The following C12orf42 variants were observed in gnomAD, a reference collection of about 807,000 sequenced individuals.
The protein encoded by C12orf42 is chromosome 12 open reading frame 42, also known as uncharacterized protein C12orf42.
C12orf42 carries 25 observed loss-of-function variants against 21.6 expected under a neutral mutation model. The observed-to-expected ratio is 1.16, with a 90% confidence interval of 0.84 to 1.62. The LOEUF is 1.62. Among genes scored for constraint, C12orf42 ranks in the 40% most tolerant of loss-of-function variants. The pLI, the probability that C12orf42 is intolerant of heterozygous loss-of-function variation, is 0.00. For synonymous variants in C12orf42, 174 were observed against 175.0 expected (o/e 0.99, Z 0.05); for missense variants, 483 against 459.3 (o/e 1.05, Z -0.47).
At chr12:103,089,549 AT>A in the C12orf42 span, among the ~76,000 whole-genome samples, 81,500 of 151,610 alleles carry the variant, frequency 0.54, 22,313 homozygotes, top group East Asian at 0.77. Context: ...CTAACAATAT[AT>A]TTTTCTTAGT....
intron 4 of C12orf42, among the ~76,000 whole-genome samples, chr12:103,346,183 T>G (rs1420609382): frequency 6.6e-6 from 1 of 152,216 alleles, no homozygotes; most frequent in Non-Finnish European, 1.5e-5. Flanking sequence ...CAGTTTTGAC[T>G]GTAATCACTT....
intron 2 of C12orf42, among the ~76,000 whole-genome samples, chr12:103,429,629 T>C (rs12317177): frequency 0.19 from 29,171 of 152,000 alleles, 3,365 homozygotes; most frequent in East Asian, 0.35. Context: ...CTTTAAATTT[T>C]ATATGGAACC....
Position 103,379,511 on chromosome 12 carries a change from T to C in C12orf42, c.148-10513A>G, listed in dbSNP as rs185148386. Among the ~76,000 whole-genome samples, 572 of 152,320 alleles carry C rather than the reference T, an allele frequency of 3.8e-3. 5 individuals are homozygous for C. The highest frequency in any genetic ancestry group is 0.013 in the African/African-American group (540 of 41,574). On this transcript the variant is annotated intron_variant, in intron 3 of 5. Transcript: ENST00000548883. ...AGATCAACATCTCCTTGACAGCTAT[T>C]GATAGATATATTACTAGACCTAAAG... is the stretch of plus-strand genomic sequence containing the variant.
the C12orf42 span, among the ~76,000 whole-genome samples, chr12:103,065,797 C>T: frequency 6.6e-6 from 1 of 152,286 alleles, no homozygotes; most frequent in South Asian, 2.1e-4. Flanking sequence ...AGGCACAATG[C>T]CTAGTGGGCC....
chr12:103,528,290 G>A, the C12orf42 span, among the ~76,000 whole-genome samples: 1 of 152,200 alleles, frequency 6.6e-6, no homozygotes, highest in African/African-American at 2.4e-5. Context: ...TTTCAATTAG[G>A]TCCAACCAGT....
At chr12:103,506,066 T>G in the C12orf42 span, 1 of 222,762 alleles carries the variant, frequency 4.5e-6, no homozygotes, top group African/African-American at 2.4e-5. Flanking sequence ...TGGCTGATCT[T>G]TGCCACTTTC....
chr12:103,255,895 C>CA (rs1476551658), intron 10 of C12orf42, among the ~76,000 whole-genome samples: 41 of 148,304 alleles, frequency 2.8e-4, no homozygotes, highest in African/African-American at 8.2e-4. Flanking sequence ...ACTAAAAATA[C>CA]AAAAAAAATT....
chr12:103,352,789 AATAAT>A (rs1373527144), intron 4 of C12orf42, among the ~76,000 whole-genome samples: 3 of 152,164 alleles, frequency 2.0e-5, no homozygotes, highest in Non-Finnish European at 4.4e-5. Flanking sequence ...AAATGGAGAT[AATAAT>A]ATGACTATGC....
At chr12:103,384,061 T>C (rs144622684) in intron 3 of C12orf42, among the ~76,000 whole-genome samples, 9 of 152,338 alleles carry the variant, frequency 5.9e-5, no homozygotes, top group African/African-American at 2.2e-4. Flanking sequence ...TTTTGAATGG[T>C]ATTCATAGCA....
the C12orf42 span, among the ~76,000 whole-genome samples, chr12:103,132,003 T>C: frequency 6.6e-6 from 1 of 152,170 alleles, no homozygotes; most frequent in Non-Finnish European, 1.5e-5. Flanking sequence ...ACTGAGAAAG[T>C]CACACTTCAA....
the C12orf42 span, among the ~76,000 whole-genome samples, chr12:103,110,038 CAAAAAAT>C: frequency 6.6e-6 from 1 of 151,910 alleles, no homozygotes; most frequent in Non-Finnish European, 1.5e-5. Flanking sequence ...GACTCTGTCT[CAAAAAAT>C]AAAAAATAAA....
intron 2 of C12orf42, among the ~76,000 whole-genome samples, chr12:103,413,298 C>A (rs2049008261): frequency 6.6e-6 from 1 of 152,098 alleles, no homozygotes; most frequent in African/African-American, 2.4e-5. Context: ...CTATTCTGTT[C>A]CATTGGTCTG....
At chr12:103,076,417 T>C in the C12orf42 span, among the ~76,000 whole-genome samples, 1 of 151,966 alleles carries the variant, frequency 6.6e-6, no homozygotes, top group East Asian at 1.9e-4. Flanking sequence ...ACCACCATCA[T>C]GTTGGCCAGT....
the C12orf42 span, among the ~76,000 whole-genome samples, chr12:103,161,279 G>A: frequency 6.6e-6 from 1 of 151,990 alleles, no homozygotes; most frequent in Non-Finnish European, 1.5e-5. Context: ...TGAAAGGTGG[G>A]ATTGAAAAAG....
At chr12:103,536,993 G>A in the C12orf42 span, among the ~76,000 whole-genome samples, 2 of 151,970 alleles carry the variant, frequency 1.3e-5, no homozygotes, top group African/African-American at 2.4e-5. Context: ...AACCCTATGA[G>A]AGCAGAGGGA....
At chr12:103,401,998 T>C (rs2048040761) in intron 2 of C12orf42, among the ~76,000 whole-genome samples, 1 of 152,196 alleles carries the variant, frequency 6.6e-6, no homozygotes, top group Non-Finnish European at 1.5e-5. Context: ...TATGGTGATA[T>C]ATTGGGATGA....
chr12:103,253,472 C>T (rs1463172384), intron 10 of C12orf42, among the ~76,000 whole-genome samples: 1 of 152,060 alleles, frequency 6.6e-6, no homozygotes, highest in Non-Finnish European at 1.5e-5. Flanking sequence ...TATTTCCTCT[C>T]TTATTTCCTT....
At chr12:103,138,803 G>T in the C12orf42 span, among the ~76,000 whole-genome samples, 3 of 151,982 alleles carry the variant, frequency 2.0e-5, no homozygotes, top group Admixed American at 2.0e-4. Flanking sequence ...TCACCCTCTG[G>T]CCTCTCTCTT....
At chr12:103,115,595 G>A in the C12orf42 span, among the ~76,000 whole-genome samples, 1 of 151,268 alleles carries the variant, frequency 6.6e-6, no homozygotes, top group African/African-American at 2.4e-5. Flanking sequence ...ACTTCCCGGA[G>A]TTGTTTTGAG....
Sources: allele counts gnomAD v4.1 joint callset (sites outside exome capture counted in the v4.1 genomes callset), GRCh38; gene constraint gnomAD v4.1.1; transcripts MANE v1.5; gene names NCBI Gene and HGNC (gene_info 2026-07-23, HGNC 2026-07-21).